The following SV2C variants were observed in gnomAD, a reference collection of about 807,000 sequenced individuals.
SV2C encodes the protein solute carrier family 22 member B3.
In SV2C, 49 loss-of-function variants were observed where a neutral mutation model predicts 79.7. The ratio of observed to expected loss-of-function variants is 0.61; its 90% CI spans 0.49 to 0.78. The LOEUF is 0.78. Ranked by LOEUF, SV2C falls within the 30% of genes least tolerant of loss-of-function variation. The pLI, the probability that SV2C is intolerant of heterozygous loss-of-function variation, is 0.00. For synonymous variants in SV2C, 334 were observed against 333.2 expected (o/e 1.00, Z -0.03); for missense variants, 833 against 912.9 (o/e 0.91, Z 1.13).
At chr5:75,906,363 A>G in the SV2C span, among the ~76,000 whole-genome samples, 1 of 152,120 alleles carries the variant, frequency 6.6e-6, no homozygotes, top group Non-Finnish European at 1.5e-5. Context: ...ACACTGTGCT[A>G]AAACAGGTAT....
chr5:76,302,107 G>A (rs1748027669), intron 12 of SV2C, among the ~76,000 whole-genome samples: 1 of 152,130 alleles, frequency 6.6e-6, no homozygotes, highest in Non-Finnish European at 1.5e-5. Flanking sequence ...TTAGTTTGTA[G>A]GCTAACAATA....
chr5:75,876,014 C>T, the SV2C span, among the ~76,000 whole-genome samples: 1 of 151,850 alleles, frequency 6.6e-6, no homozygotes, highest in South Asian at 2.1e-4. Context: ...AGAATGGCAA[C>T]TCCTCAAAGA....
At chr5:75,875,818 A>AT in the SV2C span, among the ~76,000 whole-genome samples, 432 of 142,884 alleles carry the variant, frequency 3.0e-3, 10 homozygotes, top group East Asian at 0.035. Flanking sequence ...AAGCATATAT[A>AT]AAAAAAAGCT....
the SV2C span, among the ~76,000 whole-genome samples, chr5:75,899,514 G>A: frequency 1.3e-5 from 2 of 152,006 alleles, no homozygotes; most frequent in Non-Finnish European, 2.9e-5. Context: ...AATAGGTGTG[G>A]TGTGGTGCTG....
chr5:76,078,983 C>A, upstream of SV2C: 1 of 486,154 alleles, frequency 2.1e-6, no homozygotes. Flanking sequence ...CAAGACAGTA[C>A]TGGGCTGGTG....
the SV2C span, among the ~76,000 whole-genome samples, chr5:76,009,168 C>T: frequency 2.6e-5 from 4 of 152,134 alleles, no homozygotes; most frequent in Non-Finnish European, 5.9e-5. Flanking sequence ...AAAAAATGTT[C>T]CACATCACTA....
At chr5:76,324,294 T>C (rs1382645222) in intron 12 of SV2C, among the ~76,000 whole-genome samples, 13 of 152,098 alleles carry the variant, frequency 8.5e-5, no homozygotes, top group Non-Finnish European at 1.5e-4. Context: ...GAAATTTAAA[T>C]TTCCATTTAA....
the SV2C span, among the ~76,000 whole-genome samples, chr5:75,965,045 A>T: frequency 6.6e-6 from 1 of 152,166 alleles, no homozygotes; most frequent in Non-Finnish European, 1.5e-5. Context: ...TATATTTAAG[A>T]TGATAGTATT....
chr5:76,029,844 C>A, the SV2C span, among the ~76,000 whole-genome samples: 1 of 152,190 alleles, frequency 6.6e-6, no homozygotes, highest in South Asian at 2.1e-4. Context: ...AGAATGTCAG[C>A]TTGGACCTCA....
At chr5:75,969,428 C>A in the SV2C span, among the ~76,000 whole-genome samples, 1 of 152,120 alleles carries the variant, frequency 6.6e-6, no homozygotes, top group Non-Finnish European at 1.5e-5. Context: ...TCAGGAAACC[C>A]ATTTCACATG....
chr5:76,206,074 AC>A (rs1397093302), intron 3 of SV2C, among the ~76,000 whole-genome samples: 1 of 150,332 alleles, frequency 6.7e-6, no homozygotes, highest in Non-Finnish European at 1.5e-5. Flanking sequence ...TAATAAACAA[AC>A]AAAAAACAAC....
the SV2C span, among the ~76,000 whole-genome samples, chr5:76,057,432 T>A: frequency 1.5e-4 from 21 of 141,056 alleles, no homozygotes; most frequent in Non-Finnish European, 2.6e-4. Flanking sequence ...CCTGTGTCCA[T>A]GTGTTCTCGT....
chr5:75,952,304 T>C, the SV2C span, among the ~76,000 whole-genome samples: 2 of 151,520 alleles, frequency 1.3e-5, no homozygotes, highest in Non-Finnish European at 3.0e-5. Flanking sequence ...CCTTCCTTCC[T>C]TCCAACTTCC....
the SV2C span, among the ~76,000 whole-genome samples, chr5:75,931,518 T>A: frequency 6.6e-6 from 1 of 152,206 alleles, no homozygotes; most frequent in Admixed American, 6.5e-5. Flanking sequence ...TGTCTGGCAG[T>A]TTTGTTCCAA....
intron 1 of SV2C, among the ~76,000 whole-genome samples, chr5:76,107,638 C>T (rs543622149): frequency 1.6e-4 from 24 of 151,996 alleles, no homozygotes; most frequent in Non-Finnish European, 2.8e-4. Flanking sequence ...CCAAGGCAGG[C>T]GGATCACTTG....
the SV2C span, among the ~76,000 whole-genome samples, chr5:75,913,678 T>C: frequency 6.6e-6 from 1 of 152,168 alleles, no homozygotes; most frequent in Non-Finnish European, 1.5e-5. Flanking sequence ...AGAGTGCAGG[T>C]TGGTTGTGTT....
chr5:76,025,173 G>GT, the SV2C span, among the ~76,000 whole-genome samples: 29,066 of 138,272 alleles, frequency 0.21, 3,253 homozygotes, highest in East Asian at 0.47. Flanking sequence ...CCTTGAGCAC[G>GT]TTTTTTTTTT....
chr5:76,190,804 C>T (rs13185101), intron 2 of SV2C, among the ~76,000 whole-genome samples: 18,521 of 152,142 alleles, frequency 0.12, 1,160 homozygotes, highest in Non-Finnish European at 0.13. Flanking sequence ...ATTTGAGTAA[C>T]AAAGCTTTAT....
chr5:75,968,092 C>G, the SV2C span, among the ~76,000 whole-genome samples: 2,032 of 152,334 alleles, frequency 0.013, 36 homozygotes, highest in African/African-American at 0.04. Flanking sequence ...CAAACTCCAA[C>G]AGACCTGCAG....
Sources: allele counts gnomAD v4.1 joint callset (sites outside exome capture counted in the v4.1 genomes callset), GRCh38; gene constraint gnomAD v4.1.1; transcripts MANE v1.5; gene names NCBI Gene and HGNC (gene_info 2026-07-23, HGNC 2026-07-21).